TRAK2: variants seen among roughly 807,000 people sequenced by gnomAD.
The protein encoded by TRAK2 is trafficking kinesin protein 2.
TRAK2 carries 81 observed loss-of-function variants against 104.6 expected under a neutral mutation model. The observed-to-expected ratio is 0.77, with a 90% CI of 0.65 to 0.93. The LOEUF (loss-of-function observed/expected upper bound fraction) is 0.93, where lower values mean the gene tolerates loss of function less well. Among genes scored for constraint, TRAK2 ranks in the 40% least tolerant of loss-of-function variants. The probability of loss-of-function intolerance (pLI) is 0.00; values close to 1 mark genes in which losing one functional copy is unlikely to be tolerated. For missense variants in TRAK2, 1,002 were observed against 1,089.0 expected, an observed-to-expected ratio of 0.92 and a Z score of 1.12; for synonymous variants, 406 against 394.4, an observed-to-expected ratio of 1.03 and a Z score of -0.35.
At chr2:201,444,838 A>G (rs1951952615) in intron 1 of TRAK2, among the ~76,000 whole-genome samples, 1 of 151,982 alleles carries the variant, frequency 6.6e-6, no homozygotes, top group Non-Finnish European at 1.5e-5. Context: ...AACTCCATAA[A>G]TAATTGGTGT....
chr2:201,393,729 A>T (rs1164440961), intron 9 of TRAK2, among the ~76,000 whole-genome samples: 1 of 152,174 alleles, frequency 6.6e-6, no homozygotes. Flanking sequence ...ATCGCCATTT[A>T]AAACTTGCTC....
At chr2:201,443,960 G>A (rs1241792126) in intron 1 of TRAK2, among the ~76,000 whole-genome samples, 1 of 152,142 alleles carries the variant, frequency 6.6e-6, no homozygotes, top group Non-Finnish European at 1.5e-5. Flanking sequence ...CAGCACTTTG[G>A]GAGGCCAAGG....
chr2:201,430,752 G>C (rs1201797533), intron 1 of TRAK2, among the ~76,000 whole-genome samples: 4 of 152,208 alleles, frequency 2.6e-5, no homozygotes, highest in Non-Finnish European at 4.4e-5. Flanking sequence ...CTAGGAAAGG[G>C]AATTCTTTGA....
chr2:201,400,969 ATCC>A, intron 4 of TRAK2, 46 bp downstream of exon 4: 1 of 1,440,642 alleles, frequency 6.9e-7, no homozygotes, highest in South Asian at 1.2e-5. Context: ...ATTCCAAATG[ATCC>A]TCAAGTTTTA....
intron 1 of TRAK2, among the ~76,000 whole-genome samples, chr2:201,433,791 T>C (rs779385986): frequency 6.6e-6 from 1 of 152,198 alleles, no homozygotes; most frequent in African/African-American, 2.4e-5. Context: ...TTCACCATGC[T>C]TAAAGTTCTT....
At chr2:201,429,411 T>C (rs902143165) in intron 1 of TRAK2, among the ~76,000 whole-genome samples, 1 of 152,214 alleles carries the variant, frequency 6.6e-6, no homozygotes, top group Non-Finnish European at 1.5e-5. Flanking sequence ...GTTGGCCTGC[T>C]TTGCTAGGTT....
At chr2:201,417,864 T>G (rs1005185336) in intron 2 of TRAK2, among the ~76,000 whole-genome samples, 3 of 152,182 alleles carry the variant, frequency 2.0e-5, no homozygotes, top group African/African-American at 7.2e-5. Flanking sequence ...TAAGCAAAGT[T>G]GCAGAATATA....
chr2:201,381,175 A>T lies in TRAK2; in HGVS notation c.2113T>A (p.Ser705Thr), dbSNP rs181221334. 1 of 1,613,812 alleles carries T rather than the reference A, an allele frequency of 6.2e-7. No homozygotes were observed. Among genetic ancestry groups the T allele is most frequent in the Non-Finnish European group, 8.5e-7 (1 of 1,179,868 alleles). ...GGAGAATTCACAGCCGTGTTGGATG[A>T]ACTGCTACCGCTACTTCCACAGGAT... ...SLSCGSSGSSSSNTAVNSPAL... is the reference protein window; with the variant it reads ...SLSCGSSGSSTSNTAVNSPAL... Residue 705 changes from serine (S) to threonine (T), a missense_variant, in exon 16 of 16, where the codon TCA becomes ACA. By Grantham distance (58) the Ser-to-Thr change is moderately conservative. Transcript: ENST00000332624.
intron 1 of TRAK2, among the ~76,000 whole-genome samples, chr2:201,433,746 G>T (rs938325677): frequency 6.6e-6 from 1 of 152,160 alleles, no homozygotes; most frequent in Non-Finnish European, 1.5e-5. Flanking sequence ...GGTGTCAACC[G>T]CGGTTTTTGA....
chr2:201,413,307 A>G, intron 2 of TRAK2: 1 of 1,231,042 alleles, frequency 8.1e-7, no homozygotes, highest in Non-Finnish European at 1.2e-6. Context: ...CATGGACTCC[A>G]TGGCTGCAAT....
chr2:201,446,539 T>A (rs1951965603), intron 1 of TRAK2, among the ~76,000 whole-genome samples: 1 of 152,260 alleles, frequency 6.6e-6, no homozygotes, highest in Non-Finnish European at 1.5e-5. Context: ...ATTTTTGTAT[T>A]ACTCTGCCCT....
At chr2:201,412,192 A>C (rs1310893442) in intron 2 of TRAK2, 6 of 971,486 alleles carry the variant, frequency 6.2e-6, no homozygotes, top group Non-Finnish European at 1.0e-5. Context: ...CAAATTCTGA[A>C]GTCAAATCAA....
chr2:201,388,824 T>C (rs559896396), intron 12 of TRAK2, among the ~76,000 whole-genome samples: 2 of 152,352 alleles, frequency 1.3e-5, no homozygotes, highest in South Asian at 4.1e-4. Flanking sequence ...TGAATTTTTA[T>C]GTTAGGAAAC....
At chr2:201,429,677 G>A (rs1054065230) in intron 1 of TRAK2, among the ~76,000 whole-genome samples, 18 of 152,230 alleles carry the variant, frequency 1.2e-4, no homozygotes, top group East Asian at 5.8e-4. Flanking sequence ...TTGCGCATGC[G>A]TCACATAGTT....
chr2:201,414,852 A>C (rs73049538), intron 2 of TRAK2, among the ~76,000 whole-genome samples: 1,765 of 151,990 alleles, frequency 0.012, 52 homozygotes, highest in African/African-American at 0.04. Context: ...AGTGGAGATG[A>C]AGAACAAAAG....
At chr2:201,421,786 C>A (rs547379255) in intron 1 of TRAK2, among the ~76,000 whole-genome samples, 1 of 152,068 alleles carries the variant, frequency 6.6e-6, no homozygotes, top group East Asian at 1.9e-4. Flanking sequence ...TGGTGACTCA[C>A]GCCTGTAATC....
At chr2:201,434,024 C>T (rs1951863715) in intron 1 of TRAK2, among the ~76,000 whole-genome samples, 1 of 152,094 alleles carries the variant, frequency 6.6e-6, no homozygotes, top group South Asian at 2.1e-4. Context: ...GTGGCGCTAT[C>T]TCGGCTCACT....
intron 1 of TRAK2, among the ~76,000 whole-genome samples, chr2:201,424,593 C>T (rs1015186218): frequency 4.0e-5 from 6 of 150,828 alleles, no homozygotes; most frequent in Admixed American, 6.6e-5. Context: ...TTTTTTTGTT[C>T]GTTTGTTTTT....
chr2:201,392,086 G>A (rs902862564), intron 10 of TRAK2, among the ~76,000 whole-genome samples: 1 of 152,058 alleles, frequency 6.6e-6, no homozygotes, highest in African/African-American at 2.4e-5. Flanking sequence ...TAAGTACTAC[G>A]GGGTAATAAG....
Sources: gnomAD v4.1 joint callset for allele counts (sites outside exome capture counted in the v4.1 genomes callset) on GRCh38, gnomAD v4.1.1 for gene constraint, MANE v1.5 for transcripts, NCBI Gene and HGNC (gene_info 2026-07-23, HGNC 2026-07-21) for gene names.